Variants in FGF21 observed in about 807,000 individuals in gnomAD.
The protein encoded by FGF21 is fibroblast growth factor 21.
Under a neutral mutation model 13.4 loss-of-function variants are expected in FGF21, and 13 were observed. That is an observed-to-expected ratio of 0.97 (90% CI 0.63 to 1.54). The LOEUF is 1.54. FGF21 is among the 40% of genes most tolerant of loss of function. The pLI is 0.00. For synonymous variants in FGF21, 124 were observed against 123.6 expected, an observed-to-expected ratio of 1.00 and a Z score of -0.02; for missense variants, 303 against 272.4, an observed-to-expected ratio of 1.11 and a Z score of -0.79.
rs1157016322 is a variant in FGF21 at position 48,758,227 on chromosome 19, A to C, written c.*7A>C. ...CCCCAGCTACGCTTCCTGAAGCCAG[A>C]GGCTGTTTACTATGACATCTCCTCT... On this transcript the variant is annotated 3_prime_UTR_variant, in exon 4 of 4. Transcript: ENST00000593756. The C allele has an allele frequency of 6.3e-7, 1 of 1,593,878 alleles. No individual in the cohort carries two copies.
chr19:48,756,193 T>TC lies in FGF21; in HGVS notation c.-42dup. ...CACCAATTCTAAACCACTCAGCTTC[T>TC]CCGAGCTCACACCCCGGAGATCACC... On this transcript the variant is annotated 5_prime_UTR_variant, in exon 2 of 4. Coordinates refer to ENST00000593756, the MANE Select transcript of FGF21 (RefSeq NM_019113.4). 6.4e-7 allele frequency: 1 copy of TC among 1,558,064 alleles called. No homozygotes were observed. The highest frequency in any genetic ancestry group is 8.8e-7 in the Non-Finnish European group (1 of 1,137,626).
chr19:48,757,083 C>A, intron 3 of FGF21, 54 bp downstream of exon 3: 1 of 1,402,158 alleles, frequency 7.1e-7, no homozygotes, highest in Non-Finnish European at 1.0e-6. Flanking sequence ...ATATGTCGCC[C>A]TCACAGCCTG....
intron 3 of FGF21, among the ~76,000 whole-genome samples, chr19:48,757,542 G>A (rs1245818099): frequency 6.6e-6 from 1 of 151,904 alleles, no homozygotes; most frequent in Non-Finnish European, 1.5e-5. Context: ...CTGCCTTGCT[G>A]TTTTGTTTCC....
rs2034114261 is a variant in FGF21 at position 48,756,971 on chromosome 19, T to C, written c.281T>C (p.Leu94Ser). 6.2e-7 allele frequency: 1 copy of C among 1,614,060 alleles called. No individual in the cohort carries two copies. The highest frequency in any genetic ancestry group is 8.5e-7 in the Non-Finnish European group (1 of 1,179,970). ...KALKPGVIQI[L>S]GVKTSRFLCQ... is the part of the protein sequence containing the mutation. Reference sequence around the variant, plus strand: ...TTGAAGCCGGGAGTTATTCAAATCTTGGGAGTCAAGACATCCAGGTTCCTG... The same window carrying C: ...TTGAAGCCGGGAGTTATTCAAATCTCGGGAGTCAAGACATCCAGGTTCCTG... Residue 94 changes from leucine (L) to serine (S), a missense_variant, in exon 3 of 4, where the codon TTG becomes TCG. Leu to Ser is a moderately radical substitution (Grantham distance 145, BLOSUM62 -2). Coordinates refer to ENST00000593756, the MANE Select transcript of FGF21 (RefSeq NM_019113.4).
Position 48,756,118 on chromosome 19 carries a change from C to A in FGF21, c.-119C>A. On this transcript the variant is annotated 5_prime_UTR_variant, in exon 2 of 4. Coordinates refer to ENST00000593756, the MANE Select transcript of FGF21 (RefSeq NM_019113.4). ...GCTGAGGATCCAGCCGAAAGAGGAG[C>A]CAGGCACTCAGGCCACCTGAGTCTA... 1 of 760,806 alleles carries A rather than the reference C, an allele frequency of 1.3e-6. No homozygotes were observed. Among genetic ancestry groups the A allele is most frequent in the Non-Finnish European group, 2.1e-6 (1 of 473,424 alleles). 47.1% of individuals were successfully genotyped at this position (760,806 alleles called of 1,614,324 possible). A position where few individuals can be genotyped will look rare whatever the true frequency, so the allele number is the denominator to read the frequency against.
intron 3 of FGF21, 73 bp downstream of exon 3, chr19:48,757,102 T>A: frequency 8.7e-7 from 1 of 1,155,730 alleles, no homozygotes; most frequent in South Asian, 1.3e-5. Flanking sequence ...TGGGGTGCCT[T>A]GTCTTGCTCA....
At position 48,756,104 on chromosome 19, in the gene FGF21, A is replaced by G; in HGVS notation, c.-133A>G. Reference sequence around the variant, plus strand: ...AGGGTGTTCTGTCAGCTGAGGATCCAGCCGAAAGAGGAGCCAGGCACTCAG... The same window carrying G: ...AGGGTGTTCTGTCAGCTGAGGATCCGGCCGAAAGAGGAGCCAGGCACTCAG... On this transcript the variant is annotated 5_prime_UTR_variant, in exon 2 of 4. Transcript: ENST00000593756. 1.5e-6 allele frequency: 1 copy of G among 676,036 alleles called. No individual in the cohort carries two copies. Among genetic ancestry groups the G allele is most frequent in the South Asian group, 1.9e-5 (1 of 52,324 alleles). 41.9% of individuals were successfully genotyped at this position (676,036 alleles called of 1,614,324 possible). A position where few individuals can be genotyped will look rare whatever the true frequency, so the allele number is the denominator to read the frequency against.
rs1224993400 is a variant in FGF21 at position 48,756,265 on chromosome 19, A to G, written c.29A>G (p.His10Arg). MDSDETGFE[H>R]SGLWVSVLAG... Reference sequence around the variant, plus strand: ...GACTCGGACGAGACCGGGTTCGAGCACTCAGGACTGTGGGTTTCTGTGCTG... The same window carrying G: ...GACTCGGACGAGACCGGGTTCGAGCGCTCAGGACTGTGGGTTTCTGTGCTG... Residue 10 changes from histidine to arginine, a missense_variant, in exon 2 of 4, where the codon CAC becomes CGC. By Grantham distance (29) the His-to-Arg change is conservative (BLOSUM62 0). Transcript: ENST00000593756. The G allele has an allele frequency of 6.2e-7, 1 of 1,613,914 alleles. No individual in the cohort carries two copies. Among genetic ancestry groups the G allele is most frequent in the Non-Finnish European group, 8.5e-7 (1 of 1,180,000 alleles).
chr19:48,756,421 A>G lies in FGF21; in HGVS notation c.185A>G (p.Glu62Gly), dbSNP rs368331867. The change falls in exon 2 of 4, where the codon GAG becomes GGG. Residue 62 changes from glutamate (E) to glycine (G), a missense_variant. Coordinates refer to ENST00000593756, the MANE Select transcript of FGF21 (RefSeq NM_019113.4). Reference protein sequence around the residue: ...DDAQQTEAHLEIREDGTVGGA... With the variant: ...DDAQQTEAHLGIREDGTVGGA... ...GCCCAGCAGACAGAAGCCCACCTGG[A>G]GATCAGGGAGGATGGGACGGTGGGG... 5 of 1,613,804 alleles carry G rather than the reference A, an allele frequency of 3.1e-6. No homozygotes were observed. Among genetic ancestry groups the G allele is most frequent in the Admixed American group, 1.7e-5 (1 of 60,004 alleles).
rs2034096577 is a variant in FGF21 at position 48,756,476 on chromosome 19, G to A, written c.235+5G>A. 2.5e-6 allele frequency: 4 copies of A among 1,610,680 alleles called. No homozygotes were observed. The highest frequency in any genetic ancestry group is 3.4e-6 in the Non-Finnish European group (4 of 1,178,980). On this transcript the variant is annotated splice_donor_5th_base_variant and intron_variant, in intron 2 of 3. Transcript: ENST00000593756. ...CTGCTGACCAGAGCCCCGAAAGTGA[G>A]TGTGGGCCAGAGCCTGGGTCTGAGG...
chr19:48,757,338 G>C (rs2034122021), intron 3 of FGF21, among the ~76,000 whole-genome samples: 1 of 152,202 alleles, frequency 6.6e-6, no homozygotes, highest in African/African-American at 2.4e-5. Flanking sequence ...CGGCCCCTGT[G>C]TGCACGGCTC....
In FGF21 at chr19:48,756,968, T is replaced by A. The variant is rs1272539725; in HGVS notation, c.278T>A (p.Ile93Asn). The change falls in exon 3 of 4, where the codon ATC (isoleucine) becomes AAC (asparagine). Residue 93 changes from isoleucine (I) to asparagine (N), a missense_variant. By Grantham distance (149) the Ile-to-Asn change is moderately radical. Transcript: ENST00000593756. The stretch of plus-strand genomic sequence containing the variant: ...GCCTTGAAGCCGGGAGTTATTCAAA[T>A]CTTGGGAGTCAAGACATCCAGGTTC... Reference protein sequence around the residue: ...LKALKPGVIQILGVKTSRFLC... With the variant: ...LKALKPGVIQNLGVKTSRFLC... 1 of 1,614,046 alleles carries A rather than the reference T, an allele frequency of 6.2e-7. No homozygotes were observed. Among genetic ancestry groups the A allele is most frequent in the Non-Finnish European group, 8.5e-7 (1 of 1,179,966 alleles).
chr19:48,756,182 C>T lies in FGF21; in HGVS notation c.-55C>T. On this transcript the variant is annotated 5_prime_UTR_variant, in exon 2 of 4. Transcript: ENST00000593756. ...CTGGAATCTGGCACCAATTCTAAAC[C>T]ACTCAGCTTCTCCGAGCTCACACCC... 2 of 1,495,216 alleles carry T rather than the reference C, an allele frequency of 1.3e-6. No individual in the cohort carries two copies. Among genetic ancestry groups the T allele is most frequent in the Non-Finnish European group, 9.2e-7 (1 of 1,089,720 alleles). The allele number at this position is 1,495,216 out of a possible 1,614,324, so 92.6% of individuals were successfully genotyped here. A position where few individuals can be genotyped will look rare whatever the true frequency, so the allele number is the denominator to read the frequency against.
chr19:48,756,854 G>T, intron 2 of FGF21, 72 bp from the exon 3 acceptor site: 1 of 1,205,714 alleles, frequency 8.3e-7, no homozygotes, highest in African/African-American at 1.5e-5. Flanking sequence ...CGGATGGTGG[G>T]ACAGAGTCGG....
Position 48,756,258 on chromosome 19 carries a change from T to C in FGF21, c.22T>C (p.Phe8Leu). 6.2e-7 allele frequency: 1 copy of C among 1,613,732 alleles called. No homozygotes were observed. The highest frequency in any genetic ancestry group is 2.2e-5 in the East Asian group (1 of 44,858). The part of the protein sequence containing the change: MDSDETG[F>L]EHSGLWVSVL... ...ATTGATGGACTCGGACGAGACCGGG[T>C]TCGAGCACTCAGGACTGTGGGTTTC... Residue 8 changes from phenylalanine to leucine, a missense_variant, in exon 2 of 4, where the codon TTC becomes CTC. Phe to Leu is a conservative substitution (Grantham distance 22). Transcript: ENST00000593756.
intron 3 of FGF21, among the ~76,000 whole-genome samples, chr19:48,757,329 G>A (rs1248979052): frequency 1.3e-5 from 2 of 152,142 alleles, no homozygotes; most frequent in African/African-American, 2.4e-5. Flanking sequence ...CTGCCCACAC[G>A]GCCCCTGTGT....
chr19:48,757,225 G>A (rs1011128836), intron 3 of FGF21, among the ~76,000 whole-genome samples, 196 bp downstream of exon 3: 12 of 152,232 alleles, frequency 7.9e-5, no homozygotes, highest in Non-Finnish European at 1.5e-4. Context: ...GGCCCAGGCC[G>A]GGGCGCCAGT....
chr19:48,755,912 T>G lies in FGF21; in HGVS notation c.-325T>G. 1 of 262,450 alleles carries G rather than the reference T, an allele frequency of 3.8e-6. No homozygotes were observed. The highest frequency in any genetic ancestry group is 5.0e-5 in the Admixed American group (1 of 20,126). 16.3% of individuals were successfully genotyped at this position (262,450 alleles called of 1,614,324 possible). A position where few individuals can be genotyped will look rare whatever the true frequency, so the allele number is the denominator to read the frequency against. On this transcript the variant is annotated 5_prime_UTR_variant, in exon 2 of 4. Coordinates refer to ENST00000593756, the MANE Select transcript of FGF21 (RefSeq NM_019113.4). ...CTAGACCCAGGAGTCTGGCCCTCCA[T>G]TGAAAGGACCCCAGGTTACATCATC...
In FGF21 at chr19:48,758,053, G is replaced by A; in HGVS notation, c.463G>A (p.Asp155Asn). 2 of 1,613,288 alleles carry A rather than the reference G, an allele frequency of 1.2e-6. No individual in the cohort carries two copies. Among genetic ancestry groups the A allele is most frequent in the South Asian group, 1.1e-5 (1 of 91,064 alleles). ...GCCAGGGAACAAGTCCCCACACCGGGACCCTGCACCCCGAGGACCAGCTCG... is the reference window on the plus strand; with the variant it reads ...GCCAGGGAACAAGTCCCCACACCGGAACCCTGCACCCCGAGGACCAGCTCG... The part of the protein sequence containing the change: ...HLPGNKSPHR[D>N]PAPRGPARFL... The change falls in exon 4 of 4, where the codon GAC (aspartate) becomes AAC (asparagine). Residue 155 changes from aspartate to asparagine, a missense_variant. Coordinates refer to ENST00000593756, the MANE Select transcript of FGF21 (RefSeq NM_019113.4).
Sources: gnomAD v4.1 joint callset for allele counts (sites outside exome capture counted in the v4.1 genomes callset) on GRCh38, gnomAD v4.1.1 for gene constraint, MANE v1.5 for transcripts, NCBI Gene and HGNC (gene_info 2026-07-23, HGNC 2026-07-21) for gene names.